ETV1: variants seen among roughly 807,000 people sequenced by gnomAD.
ETV1 encodes the protein ETS variant transcription factor 1, also known as ETS translocation variant 1.
A neutral mutation model predicts 62.3 loss-of-function variants in ETV1; 27 were observed. That is an observed-to-expected ratio of 0.43 (90% CI 0.32 to 0.60). ETV1 has a LOEUF of 0.60. Among genes scored for constraint, ETV1 ranks in the 20% least tolerant of loss-of-function variants. ETV1 has a pLI of 0.06. For synonymous variants in ETV1, 222 were observed against 199.6 expected (o/e 1.11, Z -0.94); for missense variants, 605 against 605.8 (o/e 1.00, Z 0.01).
chr7:13,978,168 A>C (rs1220492743), intron 5 of ETV1, among the ~76,000 whole-genome samples: 1 of 152,182 alleles, frequency 6.6e-6, no homozygotes, highest in Non-Finnish European at 1.5e-5. Flanking sequence ...ACTAGGCATT[A>C]ACAAAAAGAA....
chr7:13,960,188 A>C (rs959601573), intron 6 of ETV1, among the ~76,000 whole-genome samples: 6 of 152,194 alleles, frequency 3.9e-5, no homozygotes, highest in African/African-American at 1.4e-4. Flanking sequence ...ATATGCTACC[A>C]GTATGTGGCA....
At chr7:13,973,869 C>A (rs886407922) in intron 6 of ETV1, among the ~76,000 whole-genome samples, 1 of 152,098 alleles carries the variant, frequency 6.6e-6, no homozygotes, top group Non-Finnish European at 1.5e-5. Context: ...AGTTTTAAGG[C>A]ATATCATGTT....
At chr7:13,911,453 C>CA in intron 9 of ETV1, 146 bp from the exon 10 acceptor site, 2 of 596,892 alleles carry the variant, frequency 3.4e-6, no homozygotes, top group Non-Finnish European at 6.2e-6. Flanking sequence ...ACATTTCAGG[C>CA]AGGGCCCACA....
intron 6 of ETV1, among the ~76,000 whole-genome samples, chr7:13,966,533 G>A (rs1056996496): frequency 2.0e-5 from 3 of 152,022 alleles, no homozygotes; most frequent in African/African-American, 7.2e-5. Context: ...TGAGATGGGA[G>A]AGTCATCTGA....
chr7:13,898,395 C>T (rs1021116083), intron 13 of ETV1, among the ~76,000 whole-genome samples: 1 of 152,050 alleles, frequency 6.6e-6, no homozygotes, highest in Non-Finnish European at 1.5e-5. Flanking sequence ...TAGAAATTAT[C>T]AATTAAGTTA....
chr7:13,932,964 C>A (rs1186642341), intron 8 of ETV1, among the ~76,000 whole-genome samples: 1 of 152,200 alleles, frequency 6.6e-6, no homozygotes, highest in African/African-American at 2.4e-5. Flanking sequence ...ATGGAAAGCA[C>A]TGAAATTCCA....
chr7:13,979,286 C>G (rs979787628), intron 5 of ETV1, among the ~76,000 whole-genome samples: 2 of 152,010 alleles, frequency 1.3e-5, no homozygotes, highest in Non-Finnish European at 2.9e-5. Context: ...CTTTCCAGTC[C>G]TCTACCCACC....
intron 9 of ETV1, among the ~76,000 whole-genome samples, chr7:13,914,915 C>A (rs2282879): frequency 0.31 from 46,605 of 152,072 alleles, 7,501 homozygotes; most frequent in East Asian, 0.39. Flanking sequence ...CTGTACAGAG[C>A]TGGCTGAAAT....
chr7:13,908,982 CA>C (rs111572305), intron 11 of ETV1, among the ~76,000 whole-genome samples: 321 of 148,978 alleles, frequency 2.2e-3, no homozygotes, highest in Non-Finnish European at 3.4e-3. Flanking sequence ...TCACCTTTGT[CA>C]AAAAAAAAAT....
At chr7:13,937,432 G>C (rs149787893) in intron 7 of ETV1, among the ~76,000 whole-genome samples, 11 of 152,144 alleles carry the variant, frequency 7.2e-5, no homozygotes, top group African/African-American at 2.4e-4. Flanking sequence ...AGCGATGGAA[G>C]TACCAGAATT....
Position 13,911,281 on chromosome 7 carries a change from T to G in ETV1, c.829A>C (p.Met277Leu). The change falls in exon 10 of 14, where the codon ATG becomes CTG. Residue 277 changes from methionine to leucine, a missense_variant. This residue lies in a region of ETV1 where 426 missense variants were observed against 377.8 expected (regional missense o/e 1.13). Transcript: ENST00000430479. ...TGAGCCAGGAAGCCTTCTTGCCTCA[T>G]ATAAATGGAGTGGCAGCTAGGCACT... ...SEVPSCHSIYMRQEGFLAHPS... is the reference protein window; with the variant it reads ...SEVPSCHSIYLRQEGFLAHPS... 6.2e-7 allele frequency: 1 copy of G among 1,612,940 alleles called. No individual in the cohort carries two copies. Among genetic ancestry groups the G allele is most frequent in the East Asian group, 2.2e-5 (1 of 44,858 alleles).
At chr7:13,916,811 A>T (rs1330681579) in intron 9 of ETV1, among the ~76,000 whole-genome samples, 2 of 152,046 alleles carry the variant, frequency 1.3e-5, no homozygotes, top group Non-Finnish European at 2.9e-5. Context: ...ACACACCTGT[A>T]GTGCCAGCTA....
chr7:13,925,711 A>G (rs1583653970), intron 9 of ETV1, among the ~76,000 whole-genome samples: 1 of 149,658 alleles, frequency 6.7e-6, no homozygotes, highest in African/African-American at 2.5e-5. Flanking sequence ...GACTACAGGG[A>G]CCCGCCACTG....
intron 9 of ETV1, among the ~76,000 whole-genome samples, chr7:13,926,714 G>A (rs1027810239): frequency 6.6e-6 from 1 of 151,558 alleles, no homozygotes; most frequent in African/African-American, 2.4e-5. Context: ...AGAAGGAAAG[G>A]GACAATAATA....
At chr7:13,979,288 C>T (rs1032748579) in intron 5 of ETV1, among the ~76,000 whole-genome samples, 1 of 152,048 alleles carries the variant, frequency 6.6e-6, no homozygotes, top group Admixed American at 6.6e-5. Context: ...TTCCAGTCCT[C>T]TACCCACCAA....
At chr7:13,976,615 A>G (rs1282218186) in intron 6 of ETV1, among the ~76,000 whole-genome samples, 1 of 152,224 alleles carries the variant, frequency 6.6e-6, no homozygotes, top group African/African-American at 2.4e-5. Flanking sequence ...GGCCAGTTTC[A>G]TAATTAAGAT....
At chr7:13,947,244 T>A (rs2128467940) in intron 6 of ETV1, among the ~76,000 whole-genome samples, 1 of 152,376 alleles carries the variant, frequency 6.6e-6, no homozygotes, top group African/African-American at 2.4e-5. Context: ...TGTATGTTTT[T>A]GTTTATATTT....
At chr7:13,943,229 C>T (rs1187910651) in intron 6 of ETV1, among the ~76,000 whole-genome samples, 2 of 152,132 alleles carry the variant, frequency 1.3e-5, no homozygotes, top group Non-Finnish European at 2.9e-5. Context: ...GGAACGACAA[C>T]AAAATATATG....
intron 6 of ETV1, among the ~76,000 whole-genome samples, chr7:13,941,983 A>C (rs963231390): frequency 3.3e-5 from 5 of 151,770 alleles, no homozygotes; most frequent in African/African-American, 1.2e-4. Context: ...AAGAAATACT[A>C]AATGACACAG....
Sources: gnomAD v4.1 joint callset for allele counts (sites outside exome capture counted in the v4.1 genomes callset) on GRCh38, gnomAD v4.1.1 for gene constraint, gnomAD v4.1.1 regional missense constraint, MANE v1.5 for transcripts, NCBI Gene and HGNC (gene_info 2026-07-23, HGNC 2026-07-21) for gene names.